Variants in OCA2 observed in about 807,000 individuals in gnomAD.
The protein encoded by OCA2 is P protein.
OCA2 carries 77 observed loss-of-function variants against 100.2 expected under a neutral mutation model. That is an observed-to-expected ratio of 0.77 (90% confidence interval 0.64 to 0.93). The LOEUF (loss-of-function observed/expected upper bound fraction) is 0.93. OCA2 is among the 40% of genes least tolerant of loss of function. OCA2 has a pLI of 0.00. For synonymous variants in OCA2, 432 were observed against 439.2 expected (o/e 0.98, Z 0.21); for missense variants, 1,062 against 1,089.1 (o/e 0.98, Z 0.35).
intron 9 of OCA2, among the ~76,000 whole-genome samples, chr15:28,009,206 T>G (rs1257517390): frequency 9.9e-5 from 15 of 152,212 alleles, no homozygotes. Flanking sequence ...CAGCCTTCTC[T>G]ACCTTCCACA....
the OCA2 span, among the ~76,000 whole-genome samples, chr15:27,724,788 G>T: frequency 3.4e-5 from 5 of 148,678 alleles, no homozygotes; most frequent in Admixed American, 6.7e-5. Flanking sequence ...TGCCTCCCAA[G>T]AAAAAGCACA....
intron 23 of OCA2, among the ~76,000 whole-genome samples, chr15:27,826,824 A>G (rs1213686012): frequency 6.6e-6 from 1 of 152,264 alleles, no homozygotes; most frequent in Admixed American, 6.5e-5. Context: ...GGAGTGCGGG[A>G]CTGGGTGCTT....
chr15:27,764,485 C>T (rs536913255), intron 23 of OCA2, among the ~76,000 whole-genome samples: 1 of 152,298 alleles, frequency 6.6e-6, no homozygotes, highest in East Asian at 1.9e-4. Context: ...GTAAACTGCT[C>T]CCTTTTTACA....
At chr15:27,966,908 T>A (rs1386976021) in intron 14 of OCA2, 86 bp from the exon 15 acceptor site, 1 of 1,448,978 alleles carries the variant, frequency 6.9e-7, no homozygotes, top group Non-Finnish European at 9.5e-7. Flanking sequence ...GGTGGGTGGA[T>A]CACGAGGTCC....
chr15:27,871,944 G>T, intron 19 of OCA2, 22 bp from the exon 20 acceptor site: 1 of 1,585,512 alleles, frequency 6.3e-7, no homozygotes, highest in Non-Finnish European at 8.7e-7. Flanking sequence ...GATGTGTGGT[G>T]AGAATCAGTT....
intron 23 of OCA2, among the ~76,000 whole-genome samples, chr15:27,762,013 A>G (rs2030880889): frequency 6.6e-6 from 1 of 152,216 alleles, no homozygotes; most frequent in African/African-American, 2.4e-5. Context: ...ACAAAGATGC[A>G]AAAGTGAGTC....
Position 27,989,767 on chromosome 15 carries a change from G to A in OCA2, c.1117-101C>T, listed in dbSNP as rs909780207. The A allele has an allele frequency of 1.8e-5, 19 of 1,063,908 alleles. No homozygotes were observed. In the East Asian group the frequency reaches 2.0e-4, roughly 11 times the overall value. 65.9% of individuals were successfully genotyped at this position (1,063,908 alleles called of 1,614,324 possible). Reference sequence around the variant, plus strand: ...CCTGCTGCAGACCCACTCAGTGGGCGGGCCAGGGTTGGAAATCTCACCATC... The same window carrying A: ...CCTGCTGCAGACCCACTCAGTGGGCAGGCCAGGGTTGGAAATCTCACCATC... On this transcript the variant is annotated intron_variant, in intron 10 of 23. Transcript: ENST00000354638.
rs567980767 is a variant in OCA2 at position 27,898,012 on chromosome 15, C to T, written c.2080-26090G>A. On this transcript the variant is annotated intron_variant, in intron 19 of 23. Coordinates refer to ENST00000354638, the MANE Select transcript of OCA2 (RefSeq NM_000275.3). ...GGGGCCTGTAGCCCCTTGGTTTTGG[C>T]CCATTTCTCCCATTTGGAATGGCTG... Among the ~76,000 whole-genome samples the T allele has an allele frequency of 3.9e-5, 6 of 152,250 alleles. No individual in the cohort carries two copies. In the South Asian group the frequency reaches 1.0e-3, roughly 26 times the overall value.
intron 19 of OCA2, among the ~76,000 whole-genome samples, chr15:27,879,102 C>A (rs2036907718): frequency 6.6e-6 from 1 of 152,146 alleles, no homozygotes; most frequent in African/African-American, 2.4e-5. Context: ...TGAGAACATG[C>A]AGAGCTTGGT....
chr15:28,092,112 G>A (rs2044879721), intron 1 of OCA2, among the ~76,000 whole-genome samples: 1 of 152,164 alleles, frequency 6.6e-6, no homozygotes, highest in African/African-American at 2.4e-5. Context: ...AAAGAAGCTA[G>A]TCACAAAAGG....
intron 2 of OCA2, among the ~76,000 whole-genome samples, chr15:28,070,010 C>A (rs1255886294): frequency 8.9e-6 from 1 of 112,720 alleles, no homozygotes; most frequent in Admixed American, 8.1e-5. Flanking sequence ...CGTCTCTGCC[C>A]GGCCACCCAT....
Position 27,942,462 on chromosome 15 carries a change from C to G in OCA2, c.1951+9322G>C, listed in dbSNP as rs58563354. Among the ~76,000 whole-genome samples the G allele has an allele frequency of 8.0e-3, 1,206 of 151,532 alleles. 27 individuals are homozygous for G. Among genetic ancestry groups the G allele is most frequent in the African/African-American group, 0.028 (1,152 of 41,260 alleles). ...TGTCCAGAATAGGCAAATCCAGGAA[C>G]AGAAAGTAGGATTAGTGGTTTCCAG... On this transcript the variant is annotated intron_variant, in intron 18 of 23. Transcript: ENST00000354638.
At chr15:27,946,466 G>A (rs1018592839) in intron 18 of OCA2, among the ~76,000 whole-genome samples, 4 of 152,288 alleles carry the variant, frequency 2.6e-5, no homozygotes, top group Middle Eastern at 3.4e-3. Flanking sequence ...TAAGGCAAAC[G>A]CCGAGCTGTA....
chr15:28,003,496 ATGTTACTC>A (rs2041991701), intron 9 of OCA2, among the ~76,000 whole-genome samples: 1 of 151,856 alleles, frequency 6.6e-6, no homozygotes, highest in African/African-American at 2.4e-5. Flanking sequence ...AAGCCAGGAG[ATGTTACTC>A]TGTTTTGTGG....
At chr15:27,844,806 A>C in intron 23 of OCA2, among the ~76,000 whole-genome samples, 153 bp downstream of exon 23, 1 of 152,116 alleles carries the variant, frequency 6.6e-6, no homozygotes, top group East Asian at 1.9e-4. Flanking sequence ...TAAATTTTTA[A>C]TGTGTTTTTT....
chr15:27,935,209 G>C (rs914547850), intron 18 of OCA2, among the ~76,000 whole-genome samples: 3 of 152,188 alleles, frequency 2.0e-5, no homozygotes, highest in Non-Finnish European at 4.4e-5. Context: ...ATGCAGTTGA[G>C]TGGAGATGAA....
chr15:27,805,449 G>A (rs955506294), intron 23 of OCA2, among the ~76,000 whole-genome samples: 1 of 152,212 alleles, frequency 6.6e-6, no homozygotes, highest in Non-Finnish European at 1.5e-5. Flanking sequence ...CACACCGCGG[G>A]GACCCGGTGT....
chr15:27,906,496 C>A (rs2038182125), intron 19 of OCA2, among the ~76,000 whole-genome samples: 1 of 151,330 alleles, frequency 6.6e-6, no homozygotes, highest in Non-Finnish European at 1.5e-5. Context: ...GAAATGGAAC[C>A]CGGGCAATGA....
At chr15:27,965,080 C>T (rs951379120) in intron 15 of OCA2, among the ~76,000 whole-genome samples, 1 of 152,112 alleles carries the variant, frequency 6.6e-6, no homozygotes, top group South Asian at 2.1e-4. Flanking sequence ...TCTGCATATA[C>T]AACAATTGTC....
Sources: gnomAD v4.1 joint callset for allele counts (sites outside exome capture counted in the v4.1 genomes callset) on GRCh38, gnomAD v4.1.1 for gene constraint, MANE v1.5 for transcripts, NCBI Gene and HGNC (gene_info 2026-07-23, HGNC 2026-07-21) for gene names.